The following SIM1 variants were observed in gnomAD, a reference collection of about 807,000 sequenced individuals.
SIM1 encodes the protein SIM bHLH transcription factor 1, also known as single-minded homolog 1.
A neutral mutation model predicts 78.2 loss-of-function variants in SIM1; 18 were observed. That is an observed-to-expected ratio of 0.23 (90% CI 0.16 to 0.34). The LOEUF (loss-of-function observed/expected upper bound fraction) is 0.34. SIM1 is among the 10% of genes least tolerant of loss of function. The pLI is 1.00. For synonymous variants in SIM1, 417 were observed against 385.2 expected, an observed-to-expected ratio of 1.08 and a Z score of -0.97; for missense variants, 939 against 975.1, an observed-to-expected ratio of 0.96 and a Z score of 0.49.
intron 8 of SIM1, 75 bp from the exon 9 acceptor site, chr6:100,447,490 T>C: frequency 6.4e-7 from 1 of 1,568,816 alleles, no homozygotes; most frequent in Non-Finnish European, 8.7e-7. Flanking sequence ...TCCCTGGTGG[T>C]AAGAATTGAG....
At chr6:100,455,406 C>T (rs1772620021) in intron 2 of SIM1, among the ~76,000 whole-genome samples, 1 of 152,210 alleles carries the variant, frequency 6.6e-6, no homozygotes, top group South Asian at 2.1e-4. Flanking sequence ...TCTGGAAGGG[C>T]CCCCGCCACA....
chr6:100,424,614 TA>T (rs1562245162), intron 9 of SIM1, among the ~76,000 whole-genome samples: 1 of 151,784 alleles, frequency 6.6e-6, no homozygotes, highest in East Asian at 1.9e-4. Context: ...TTTTTTTTTT[TA>T]TTTTTGGTAG....
rs1036798350 is a variant in SIM1 at position 100,455,727 on chromosome 6, C to G, written c.176-1883G>C. 3.3e-5 allele frequency among the ~76,000 whole-genome samples: 5 copies of G among 152,322 alleles called. 1 individual carries two copies. The highest frequency in any genetic ancestry group is 6.5e-5 in the Admixed American group (1 of 15,306). ...GGCACTCGAGCGAGCCTGGAGCGGG[C>G]AAAGACTGCGTTGCGACTGGGGACA... On this transcript the variant is annotated intron_variant, in intron 2 of 11. Transcript: ENST00000369208.
chr6:100,444,256 C>G (rs967977665), intron 9 of SIM1, among the ~76,000 whole-genome samples: 1 of 152,002 alleles, frequency 6.6e-6, no homozygotes, highest in Non-Finnish European at 1.5e-5. Flanking sequence ...GGACTTTCCC[C>G]GACATCCTTG....
chr6:100,422,444 C>T (rs1771618074), intron 9 of SIM1, among the ~76,000 whole-genome samples: 2 of 152,160 alleles, frequency 1.3e-5, no homozygotes, highest in Admixed American at 6.5e-5. Context: ...CTCAGGTGAT[C>T]CACCCACCTT....
At chr6:100,440,138 C>G (rs1225235623) in intron 9 of SIM1, among the ~76,000 whole-genome samples, 1 of 152,174 alleles carries the variant, frequency 6.6e-6, no homozygotes, top group Non-Finnish European at 1.5e-5. Flanking sequence ...TACTAGGCAC[C>G]TGCTTTCTGT....
At chr6:100,449,758 A>G (rs953552619) in intron 4 of SIM1, 59 bp from the exon 5 acceptor site, 5 of 1,404,048 alleles carry the variant, frequency 3.6e-6, no homozygotes, top group Non-Finnish European at 5.0e-6. Context: ...GAAGGGACTG[A>G]AAGATTAGGC....
intron 10 of SIM1, among the ~76,000 whole-genome samples, chr6:100,409,684 T>C (rs935018886): frequency 2.6e-5 from 4 of 152,166 alleles, no homozygotes; most frequent in Admixed American, 2.6e-4. Context: ...CACTTTCCTA[T>C]TAAAACTGCT....
intron 2 of SIM1, among the ~76,000 whole-genome samples, chr6:100,458,600 G>A (rs920483138): frequency 6.6e-6 from 1 of 152,252 alleles, no homozygotes; most frequent in Non-Finnish European, 1.5e-5. Context: ...GGGGAGTAAG[G>A]AGACTCTGTG....
At position 100,405,972 on chromosome 6, in the gene SIM1, A is replaced by G. The variant is rs185530220; in HGVS notation, c.1168-12083T>C. Among the ~76,000 whole-genome samples the G allele has an allele frequency of 3.8e-3, 584 of 152,318 alleles. 3 individuals carry two copies. Among genetic ancestry groups the G allele is most frequent in the African/African-American group, 0.014 (568 of 41,572 alleles). On this transcript the variant is annotated intron_variant, in intron 10 of 11. Transcript: ENST00000369208. ...AAATCTACAATCCATCCCTTTTGTAAATCCAAAGGTGATGTCTTAAAGACT... is the reference window on the plus strand; with the variant it reads ...AAATCTACAATCCATCCCTTTTGTAGATCCAAAGGTGATGTCTTAAAGACT...
At chr6:100,453,654 T>G in intron 3 of SIM1, 108 bp downstream of exon 3, 7 of 793,364 alleles carry the variant, frequency 8.8e-6, no homozygotes, top group Non-Finnish European at 1.2e-5. Context: ...TGGGGGGGGT[T>G]GTTTGTTTTT....
At chr6:100,393,136 G>A (rs1310146646) in intron 11 of SIM1, among the ~76,000 whole-genome samples, 5 of 152,068 alleles carry the variant, frequency 3.3e-5, no homozygotes, top group Admixed American at 2.0e-4. Context: ...TGAGCCTACC[G>A]ACTATTCAAG....
intron 2 of SIM1, among the ~76,000 whole-genome samples, chr6:100,459,677 T>G (rs1772785773): frequency 6.6e-6 from 1 of 152,242 alleles, no homozygotes; most frequent in Admixed American, 6.5e-5. Context: ...CCTGAGTAGT[T>G]ACTAATTTCA....
chr6:100,450,191 C>T, intron 4 of SIM1, 76 bp downstream of exon 4: 1 of 1,270,264 alleles, frequency 7.9e-7, no homozygotes, highest in South Asian at 1.2e-5. Flanking sequence ...CACCCAGCCC[C>T]CAACCCAGCC....
intron 3 of SIM1, 29 bp downstream of exon 3, chr6:100,453,733 A>T: frequency 6.4e-7 from 1 of 1,565,774 alleles, no homozygotes; most frequent in Non-Finnish European, 8.7e-7. Context: ...CTCAAAGCTT[A>T]TGTGTTGCCG....
chr6:100,453,539 C>A (rs1206840926), intron 3 of SIM1, among the ~76,000 whole-genome samples: 1 of 152,142 alleles, frequency 6.6e-6, no homozygotes, highest in Non-Finnish European at 1.5e-5. Flanking sequence ...GTCACCTTGC[C>A]TCCCTCTCAG....
At chr6:100,417,595 A>T (rs1259928925) in intron 10 of SIM1, among the ~76,000 whole-genome samples, 1 of 152,232 alleles carries the variant, frequency 6.6e-6, no homozygotes, top group African/African-American at 2.4e-5. Flanking sequence ...AAAAATTTTG[A>T]GAATTTAGAA....
At chr6:100,458,231 C>T (rs1298594692) in intron 2 of SIM1, among the ~76,000 whole-genome samples, 1 of 152,170 alleles carries the variant, frequency 6.6e-6, no homozygotes, top group Non-Finnish European at 1.5e-5. Context: ...ATTCATGCAG[C>T]GTTCATGAGA....
At position 100,390,849 on chromosome 6, in the gene SIM1, A is replaced by T. The variant is rs900062178; in HGVS notation, c.1813T>A (p.Cys605Ser). The T allele has an allele frequency of 1.9e-6, 3 of 1,614,198 alleles. No individual in the cohort carries two copies. In the Admixed American group the frequency reaches 5.0e-5, roughly 27 times the overall value. Residue 605 changes from cysteine (C) to serine (S), a missense_variant, in exon 12 of 12, where the codon TGT becomes AGT. Physicochemically the swap from Cys to Ser is moderately radical, Grantham distance 112. This residue lies in a region of SIM1 where 556 missense variants were observed against 521.9 expected (regional missense o/e 1.07). Coordinates refer to ENST00000369208, the MANE Select transcript of SIM1 (RefSeq NM_005068.3). ...INGAGKKHSLCFANYQQPPPT... is the reference protein window; with the variant it reads ...INGAGKKHSLSFANYQQPPPT... ...GGGGGCTGTTGGTAGTTTGCAAAAC[A>T]CAGGGAGTGTTTTTTCCCAGCCCCA... is the stretch of plus-strand genomic sequence containing the variant.
Sources: gnomAD v4.1 joint callset for allele counts (sites outside exome capture counted in the v4.1 genomes callset) on GRCh38, gnomAD v4.1.1 for gene constraint, gnomAD v4.1.1 regional missense constraint, MANE v1.5 for transcripts, NCBI Gene and HGNC (gene_info 2026-07-23, HGNC 2026-07-21) for gene names.